NAV1: variants seen among roughly 807,000 people sequenced by gnomAD.
The protein encoded by NAV1 is neuron navigator 1.
A neutral mutation model predicts 175.2 loss-of-function variants in NAV1; 18 were observed. The ratio of observed to expected loss-of-function variants is 0.10; its 90% CI spans 0.07 to 0.15. The LOEUF (loss-of-function observed/expected upper bound fraction) is 0.15, where lower values mean the gene tolerates loss of function less well. NAV1 is among the 10% of genes least tolerant of loss of function. The pLI, the probability that NAV1 is intolerant of heterozygous loss-of-function variation, is 1.00. For missense variants in NAV1, 1,731 were observed against 2,436.6 expected, an observed-to-expected ratio of 0.71 and a Z score of 6.10; for synonymous variants, 897 against 978.7, an observed-to-expected ratio of 0.92 and a Z score of 1.56.
chr1:201,730,542 C>CT (rs139076282), intron 3 of NAV1, among the ~76,000 whole-genome samples: 2,829 of 152,340 alleles, frequency 0.019, 97 homozygotes, highest in African/African-American at 0.064. Context: ...GACAGAGACT[C>CT]TGTCTTCTCT....
At chr1:201,761,971 A>G (rs1002693542) in intron 3 of NAV1, among the ~76,000 whole-genome samples, 2 of 151,986 alleles carry the variant, frequency 1.3e-5, no homozygotes, top group African/African-American at 4.8e-5. Context: ...TAGGCGACAT[A>G]GTGAGAACTT....
intron 2 of NAV1, among the ~76,000 whole-genome samples, chr1:201,610,464 G>A (rs1251806669): frequency 6.6e-6 from 1 of 152,234 alleles, no homozygotes; most frequent in Non-Finnish European, 1.5e-5. Flanking sequence ...TAGCAGGAGG[G>A]ATGGAGGTTA....
intron 1 of NAV1, among the ~76,000 whole-genome samples, chr1:201,695,185 G>A (rs972708951): frequency 2.6e-5 from 4 of 152,204 alleles, no homozygotes; most frequent in African/African-American, 9.7e-5. Context: ...AGGGCAAAAG[G>A]TGAACAGCAA....
At chr1:201,557,417 G>A (rs1666056257) in intron 1 of NAV1, among the ~76,000 whole-genome samples, 1 of 152,220 alleles carries the variant, frequency 6.6e-6, no homozygotes, top group African/African-American at 2.4e-5. Flanking sequence ...AAGGAATTAG[G>A]GGCCTGCCTT....
intron 1 of NAV1, among the ~76,000 whole-genome samples, chr1:201,708,440 G>GCACA (rs3053753): frequency 0.33 from 48,310 of 148,044 alleles, 8,111 homozygotes; most frequent in Middle Eastern, 0.4. Context: ...CTACTTGCGC[G>GCACA]CACACACACA....
chr1:201,598,524 G>A (rs540881377), intron 2 of NAV1, among the ~76,000 whole-genome samples: 5 of 152,300 alleles, frequency 3.3e-5, no homozygotes, highest in South Asian at 2.1e-4. Context: ...GTGAGGAATC[G>A]GAACTGCCTG....
In NAV1 at chr1:201,782,884, C is replaced by A. The variant is rs1456049067; in HGVS notation, c.2357+15C>A. The A allele has an allele frequency of 1.3e-6, 2 of 1,546,542 alleles. No homozygotes were observed. The highest frequency in any genetic ancestry group is 2.3e-5 in the East Asian group (1 of 44,262). ...ACCCCTCTCAGGTACCCAATGTGGG[C>A]AGCCGCCTCCTTGTCTGTTTGCTTT... On this transcript the variant is annotated intron_variant, in intron 6 of 29. Transcript: ENST00000367296. This position sits in a 1 kb window ranked among gnomAD's most constrained non-coding sequence, Gnocchi z 5.4.
chr1:201,641,536 T>C (rs573582506), intron 2 of NAV1, among the ~76,000 whole-genome samples: 13 of 152,162 alleles, frequency 8.5e-5, no homozygotes, highest in Non-Finnish European at 1.5e-4. Context: ...CATGAGGGAA[T>C]GACATGGTGG....
exon 7 of NAV1, chr1:201,783,419 A>T (rs751884707): frequency 6.2e-7 from 1 of 1,613,794 alleles, no homozygotes; most frequent in Non-Finnish European, 8.5e-7. Flanking sequence ...CACAGCGAAG[A>T]GCTTTGTCAA....
intron 2 of NAV1, among the ~76,000 whole-genome samples, chr1:201,639,803 G>T (rs573221974): frequency 6.6e-6 from 1 of 152,132 alleles, no homozygotes; most frequent in Non-Finnish European, 1.5e-5. Flanking sequence ...GGGGGGCCCC[G>T]GCCTCCAGCT....
intron 1 of NAV1, among the ~76,000 whole-genome samples, chr1:201,583,967 G>A (rs1304186120): frequency 6.6e-6 from 1 of 152,102 alleles, no homozygotes; most frequent in African/African-American, 2.4e-5. Context: ...CTCCAACTTC[G>A]TCCTCTGAAA....
At chr1:201,583,368 T>G (rs1026628649) in intron 1 of NAV1, among the ~76,000 whole-genome samples, 17 of 152,374 alleles carry the variant, frequency 1.1e-4, no homozygotes, top group Admixed American at 1.0e-3. Context: ...CAACCCTTTT[T>G]CCCATCTGCA....
intron 2 of NAV1, among the ~76,000 whole-genome samples, chr1:201,610,332 G>T (rs757568702): frequency 2.0e-5 from 3 of 152,352 alleles, no homozygotes; most frequent in Non-Finnish European, 2.9e-5. Flanking sequence ...AACAGCACAA[G>T]TCTTCAGTTG....
intron 1 of NAV1, among the ~76,000 whole-genome samples, chr1:201,667,626 G>A (rs1258962341): frequency 6.6e-6 from 1 of 152,200 alleles, no homozygotes; most frequent in Admixed American, 6.5e-5. Flanking sequence ...GCCTATCACA[G>A]TAGCACCTCA....
chr1:201,720,650 CATTT>C (rs1672344137), intron 3 of NAV1, among the ~76,000 whole-genome samples: 1 of 152,208 alleles, frequency 6.6e-6, no homozygotes, highest in South Asian at 2.1e-4. Flanking sequence ...GGCTTTCTTT[CATTT>C]GTCTATCTGT....
upstream of NAV1, among the ~76,000 whole-genome samples, chr1:201,618,320 G>A (rs114344619): frequency 1.2e-3 from 182 of 152,300 alleles, no homozygotes; most frequent in African/African-American, 4.0e-3. Context: ...CATGGGCAAT[G>A]CCCCTGTACC....
intron 1 of NAV1, among the ~76,000 whole-genome samples, chr1:201,676,415 G>A (rs545897932): frequency 6.6e-6 from 1 of 152,336 alleles, no homozygotes; most frequent in South Asian, 2.1e-4. Context: ...AAGTGCTGAG[G>A]AGGACACAGA....
intron 3 of NAV1, among the ~76,000 whole-genome samples, chr1:201,730,116 T>G (rs1039864242): frequency 6.6e-6 from 1 of 152,222 alleles, no homozygotes; most frequent in Non-Finnish European, 1.5e-5. Flanking sequence ...TTCATCACAC[T>G]GGACTCTGGG....
chr1:201,561,915 A>G (rs914813049), intron 1 of NAV1, among the ~76,000 whole-genome samples: 1 of 152,244 alleles, frequency 6.6e-6, no homozygotes, highest in African/African-American at 2.4e-5. Flanking sequence ...CAATGGTTGG[A>G]ACAAAGGCAC....
Sources: allele counts gnomAD v4.1 joint callset (sites outside exome capture counted in the v4.1 genomes callset), GRCh38; gene constraint gnomAD v4.1.1; non-coding constraint Gnocchi (gnomAD v3.1); transcripts MANE v1.5; gene names NCBI Gene and HGNC (gene_info 2026-07-23, HGNC 2026-07-21).